MED12L: variants seen among roughly 807,000 people sequenced by gnomAD.
MED12L encodes the protein mediator of RNA polymerase II transcription subunit 12-like protein.
MED12L carries 60 observed loss-of-function variants against 281.3 expected under a neutral mutation model. The observed-to-expected ratio is 0.21, with a 90% CI of 0.17 to 0.26. The LOEUF (loss-of-function observed/expected upper bound fraction) is 0.26. Ranked by LOEUF, MED12L falls within the 10% of genes least tolerant of loss-of-function variation. The pLI is 1.00. For synonymous variants in MED12L, 974 were observed against 987.2 expected, an observed-to-expected ratio of 0.99 and a Z score of 0.25; for missense variants, 2,146 against 2,680.9, an observed-to-expected ratio of 0.80 and a Z score of 4.41.
At chr3:151,173,204 T>A (rs1721646576) in intron 11 of MED12L, among the ~76,000 whole-genome samples, 1 of 152,198 alleles carries the variant, frequency 6.6e-6, no homozygotes, top group South Asian at 2.1e-4. Flanking sequence ...ACTTTCTCTT[T>A]TTAAAAAATC....
rs750054348 is a variant in MED12L at position 151,274,050 on chromosome 3, GGATTT to G, written c.2251-76006_2251-76002del. Among the ~76,000 whole-genome samples, 279 of 152,224 alleles carry G rather than the reference GGATTT, an allele frequency of 1.8e-3. 1 individual carries two copies. Among genetic ancestry groups the G allele is most frequent in the Non-Finnish European group, 3.6e-3 (246 of 68,024 alleles). On this transcript the variant is annotated intron_variant, in intron 16 of 44. Transcript: ENST00000687756. ...ACTACTTGAACTAAACTGAGAAACT[GGATTT>G]GACTGGCAGTGTGCTAAAGTCGTGG...
intron 13 of MED12L, among the ~76,000 whole-genome samples, chr3:151,189,782 C>CTTTTTTTTTTTTTTTTTTTTTTTTT (rs1723731850): frequency 6.6e-6 from 1 of 152,182 alleles, no homozygotes; most frequent in Admixed American, 6.5e-5. Flanking sequence ...AATTTTGAAT[C>CTTTTTTTTTTTTTTTTTTTTTTTTT]TTATCTTAAA....
chr3:151,292,187 C>A (rs1020684096), intron 16 of MED12L, among the ~76,000 whole-genome samples: 4 of 151,890 alleles, frequency 2.6e-5, no homozygotes, highest in Admixed American at 2.0e-4. Context: ...TAGATAATAT[C>A]ATTTTTGAGA....
intron 16 of MED12L, among the ~76,000 whole-genome samples, chr3:151,202,575 C>T (rs1195420354): frequency 6.6e-6 from 1 of 152,160 alleles, no homozygotes; most frequent in Non-Finnish European, 1.5e-5. Flanking sequence ...GAGGCTGAGG[C>T]AGGAGAATTG....
rs544930918 is a variant in MED12L, at chr3:151,340,169, A to C, written c.2251-9890A>C. 2.0e-5 allele frequency among the ~76,000 whole-genome samples: 3 copies of C among 152,246 alleles called. No individual in the cohort carries two copies. In the South Asian group the frequency reaches 6.2e-4, roughly 32 times the overall value. On this transcript the variant is annotated intron_variant, in intron 16 of 44. Transcript: ENST00000687756. ...ACCTAATGTTTTCCAATACAAGATCACTGATTTTAACCTTTCCTGCTACTG... is the reference window on the plus strand; with the variant it reads ...ACCTAATGTTTTCCAATACAAGATCCCTGATTTTAACCTTTCCTGCTACTG...
rs1454011966 is a variant in MED12L, at chr3:151,387,917, C to A, written c.5196C>A (p.Asp1732Glu). The A allele has an allele frequency of 1.9e-6, 3 of 1,614,036 alleles. No individual in the cohort carries two copies. Among genetic ancestry groups the A allele is most frequent in the Non-Finnish European group, 8.5e-7 (1 of 1,180,008 alleles). Residue 1732 changes from aspartate to glutamate, a missense_variant, in exon 37 of 45, where the codon GAC becomes GAA. Physicochemically the swap from Asp to Glu is conservative, Grantham distance 45. Transcript: ENST00000687756. The stretch of plus-strand genomic sequence containing the variant: ...CCTGGTTTGGGACAGTCCGAGTGGA[C>A]CGAAGAGTGATCAAGTACGAGGAGC... ...SWAWFGTVRV[D>E]RRVIKYEEQH...
chr3:151,277,717 G>A (rs1409762315), intron 16 of MED12L, among the ~76,000 whole-genome samples: 1 of 152,188 alleles, frequency 6.6e-6, no homozygotes, highest in Non-Finnish European at 1.5e-5. Context: ...TCAAATATTT[G>A]CTATGCCTAG....
At chr3:151,305,042 A>G (rs1170122007) in intron 16 of MED12L, among the ~76,000 whole-genome samples, 24 of 152,076 alleles carry the variant, frequency 1.6e-4, no homozygotes, top group Non-Finnish European at 2.9e-5. Context: ...CCTTCCTTTA[A>G]ATTGTCTCAG....
chr3:151,175,148 T>C (rs73018604), intron 11 of MED12L, among the ~76,000 whole-genome samples: 11,247 of 152,276 alleles, frequency 0.074, 954 homozygotes, highest in African/African-American at 0.2. Context: ...CAGTTAAGAC[T>C]AACTTTTTTA....
At chr3:151,247,348 G>C (rs1290237934) in intron 16 of MED12L, among the ~76,000 whole-genome samples, 2 of 152,176 alleles carry the variant, frequency 1.3e-5, no homozygotes, top group South Asian at 2.1e-4. Flanking sequence ...CAATAGCAAA[G>C]ACTTGGAACC....
chr3:151,325,770 A>G (rs989488732), intron 16 of MED12L, among the ~76,000 whole-genome samples: 2 of 152,198 alleles, frequency 1.3e-5, no homozygotes, highest in African/African-American at 4.8e-5. Context: ...GTGTACCCAC[A>G]TTAAGTAGAG....
intron 16 of MED12L, among the ~76,000 whole-genome samples, chr3:151,196,131 C>T (rs1250105480): frequency 6.6e-6 from 1 of 152,164 alleles, no homozygotes; most frequent in Non-Finnish European, 1.5e-5. Flanking sequence ...CATTCTACTT[C>T]CTTGGAAGAA....
Position 151,350,092 on chromosome 3 carries a change from A to G in MED12L, c.2284A>G (p.Thr762Ala), listed in dbSNP as rs764310143. ...ESSSHECNQR[T>A]ILLYGVGKER... is the part of the protein sequence containing the mutation. ...TTCAAGTCATGAATGTAACCAGCGC[A>G]CAATCCTTCTCTATGGAGTCGGCAA... The change falls in exon 17 of 45, where the codon ACA (threonine) becomes GCA (alanine). Residue 762 changes from threonine to alanine, a missense_variant. Coordinates refer to ENST00000687756, the MANE Select transcript of MED12L (RefSeq NM_001393769.1). The G allele has an allele frequency of 6.2e-7, 1 of 1,613,298 alleles. No homozygotes were observed. Among genetic ancestry groups the G allele is most frequent in the Non-Finnish European group, 8.5e-7 (1 of 1,179,460 alleles).
At chr3:151,310,668 A>T (rs959756012) in intron 16 of MED12L, among the ~76,000 whole-genome samples, 1 of 152,208 alleles carries the variant, frequency 6.6e-6, no homozygotes, top group Admixed American at 6.5e-5. Flanking sequence ...AATTTCTCAT[A>T]TGGTTTTTAA....
Position 151,122,585 on chromosome 3 carries a change from G to C in MED12L, c.205-198G>C, listed in dbSNP as rs146163547. Reference sequence around the variant, plus strand: ...CCCTCCGCCAAACTACTTGTGAGTAGTGGTATAAAGGTGCTGTGTATCAGA... The same window carrying C: ...CCCTCCGCCAAACTACTTGTGAGTACTGGTATAAAGGTGCTGTGTATCAGA... On this transcript the variant is annotated intron_variant, in intron 3 of 44. Coordinates refer to ENST00000687756, the MANE Select transcript of MED12L (RefSeq NM_001393769.1). 5.1e-4 allele frequency among the ~76,000 whole-genome samples: 78 copies of C among 152,320 alleles called. 3 individuals carry two copies. In the South Asian group the frequency reaches 0.013, roughly 25 times the overall value.
intron 16 of MED12L, among the ~76,000 whole-genome samples, chr3:151,347,216 TA>T (rs1478011561): frequency 6.6e-5 from 10 of 151,998 alleles, no homozygotes. Flanking sequence ...AATCATCAGG[TA>T]AAGTTTCCTA....
intron 3 of MED12L, among the ~76,000 whole-genome samples, chr3:151,121,207 G>T (rs1220065604): frequency 2.0e-5 from 3 of 152,144 alleles, no homozygotes; most frequent in African/African-American, 7.2e-5. Context: ...TTTCCAAACA[G>T]CTGGTTTTCC....
At chr3:151,090,838 G>C (rs997318931) in intron 2 of MED12L, among the ~76,000 whole-genome samples, 1 of 152,056 alleles carries the variant, frequency 6.6e-6, no homozygotes, top group Non-Finnish European at 1.5e-5. Flanking sequence ...TCAGGAGTTC[G>C]AGACCAGCCT....
chr3:151,387,968 A>C lies in MED12L; in HGVS notation c.5247A>C (p.Thr1749=). The part of the protein sequence containing the change: ...EEQHHLLLYH[T]HPMPKPRSYY... ...AGCATCACCTCCTGCTGTATCACAC[A>C]CACCCCATGCCCAAGCCCCGCAGTT... The change falls in exon 37 of 45, where the codon ACA becomes ACC. Residue 1749 remains threonine, a synonymous_variant. Coordinates refer to ENST00000687756, the MANE Select transcript of MED12L (RefSeq NM_001393769.1). 6.2e-7 allele frequency: 1 copy of C among 1,613,906 alleles called. No individual in the cohort carries two copies. The highest frequency in any genetic ancestry group is 8.5e-7 in the Non-Finnish European group (1 of 1,179,966).
Sources: allele counts gnomAD v4.1 joint callset (sites outside exome capture counted in the v4.1 genomes callset), GRCh38; gene constraint gnomAD v4.1.1; transcripts MANE v1.5; gene names NCBI Gene and HGNC (gene_info 2026-07-23, HGNC 2026-07-21).